GLT8D2: variants seen among roughly 807,000 people sequenced by gnomAD.
The protein encoded by GLT8D2 is glycosyltransferase 8 domain containing 2.
Under a neutral mutation model 44.5 loss-of-function variants are expected in GLT8D2, and 45 were observed. The observed-to-expected ratio is 1.01, with a 90% CI of 0.80 to 1.30. The LOEUF (loss-of-function observed/expected upper bound fraction) is 1.30, where lower values mean the gene tolerates loss of function less well. GLT8D2 is among the 50% of genes most tolerant of loss of function. The pLI is 0.00. For synonymous variants in GLT8D2, 156 were observed against 157.2 expected (o/e 0.99, Z 0.06); for missense variants, 400 against 430.4 (o/e 0.93, Z 0.62).
At chr12:103,991,625 C>T (rs1251151390) in intron 10 of GLT8D2, among the ~76,000 whole-genome samples, 5 of 152,108 alleles carry the variant, frequency 3.3e-5, no homozygotes, top group African/African-American at 1.2e-4. Flanking sequence ...GGGATCTGCA[C>T]ATGGAAAGGT....
intron 4 of GLT8D2, among the ~76,000 whole-genome samples, chr12:104,008,280 G>A (rs1182505127): frequency 3.3e-5 from 5 of 152,182 alleles, no homozygotes; most frequent in Non-Finnish European, 7.3e-5. Flanking sequence ...GGTTCAGGGT[G>A]AGGTGGCCTC....
At chr12:104,014,387 A>G (rs750975542) in intron 4 of GLT8D2, 12 of 642,772 alleles carry the variant, frequency 1.9e-5, no homozygotes, top group Non-Finnish European at 3.4e-5. Context: ...AAAATGTAAT[A>G]AACAGTGCTT....
At chr12:104,014,092 T>G in intron 4 of GLT8D2, 1 of 503,008 alleles carries the variant, frequency 2.0e-6, no homozygotes, top group Non-Finnish European at 3.5e-6. Context: ...TAGCTGGGCA[T>G]GGAGCTCATG....
intron 3 of GLT8D2, among the ~76,000 whole-genome samples, chr12:104,018,645 G>T (rs571350569): frequency 3.9e-5 from 6 of 152,140 alleles, no homozygotes; most frequent in Non-Finnish European, 7.4e-5. Flanking sequence ...AGGCTGAGGC[G>T]GGTGGATCAC....
At chr12:104,016,810 A>AAGGAAG (rs1566199750) in intron 3 of GLT8D2, among the ~76,000 whole-genome samples, 2 of 136,652 alleles carry the variant, frequency 1.5e-5, no homozygotes, top group African/African-American at 5.8e-5. Flanking sequence ...AAGGAAGGAA[A>AAGGAAG]GAAAGAAAGA....
intron 1 of GLT8D2, among the ~76,000 whole-genome samples, chr12:104,023,144 A>G (rs1434916141): frequency 6.6e-6 from 1 of 152,128 alleles, no homozygotes; most frequent in Admixed American, 6.6e-5. Flanking sequence ...GCTATGCATC[A>G]GGGGGAGGGA....
At chr12:104,000,367 C>T (rs2062402) in intron 5 of GLT8D2, among the ~76,000 whole-genome samples, 1 of 152,102 alleles carries the variant, frequency 6.6e-6, no homozygotes, top group African/African-American at 2.4e-5. Context: ...CTTCAAATTT[C>T]TAGATACCAC....
intron 1 of GLT8D2, among the ~76,000 whole-genome samples, chr12:104,063,458 A>G (rs1169968316): frequency 1.3e-5 from 2 of 152,164 alleles, no homozygotes; most frequent in African/African-American, 4.8e-5. Context: ...AGGCAGGAGG[A>G]TCACTGGAGC....
At chr12:104,042,682 T>C (rs1267894662) in intron 1 of GLT8D2, among the ~76,000 whole-genome samples, 2 of 152,140 alleles carry the variant, frequency 1.3e-5, no homozygotes, top group Admixed American at 1.3e-4. Context: ...GGGTGTCCTA[T>C]CTTCTGGCTT....
chr12:104,016,888 TAAAG>T (rs1876941317), intron 3 of GLT8D2, among the ~76,000 whole-genome samples: 1 of 110,744 alleles, frequency 9.0e-6, no homozygotes, highest in African/African-American at 3.2e-5. Flanking sequence ...GAAAGAAAAA[TAAAG>T]AGAGAAAGAA....
intron 6 of GLT8D2, 94 bp from the exon 7 acceptor site, chr12:103,997,629 A>G (rs1873623327): frequency 2.4e-6 from 2 of 837,322 alleles, no homozygotes; most frequent in South Asian, 2.8e-5. Context: ...CCATGGCCTC[A>G]GCTCAGCTCC....
chr12:103,998,119 T>C (rs1487717336), intron 6 of GLT8D2, among the ~76,000 whole-genome samples: 3 of 152,172 alleles, frequency 2.0e-5, no homozygotes, highest in South Asian at 4.1e-4. Flanking sequence ...GGGAAGATCA[T>C]ATCACAGACA....
At chr12:104,062,374 G>A (rs1882734940) in intron 1 of GLT8D2, among the ~76,000 whole-genome samples, 1 of 150,822 alleles carries the variant, frequency 6.6e-6, no homozygotes, top group Admixed American at 6.6e-5. Flanking sequence ...CACCCGTCCT[G>A]AGAATTCCTT....
intron 1 of GLT8D2, among the ~76,000 whole-genome samples, chr12:104,047,639 T>C (rs1002161854): frequency 5.3e-5 from 8 of 152,272 alleles, no homozygotes; most frequent in African/African-American, 9.6e-5. Flanking sequence ...ACTAATCCCA[T>C]TGGTGATGGT....
chr12:104,056,028 C>T (rs1006137157), intron 1 of GLT8D2, among the ~76,000 whole-genome samples: 2 of 152,240 alleles, frequency 1.3e-5, no homozygotes, highest in Admixed American at 1.3e-4. Flanking sequence ...TGCTCCAGCA[C>T]CTGAGTCTCA....
chr12:104,024,867 G>C (rs772063955), intron 1 of GLT8D2, among the ~76,000 whole-genome samples: 29 of 151,992 alleles, frequency 1.9e-4, no homozygotes, highest in Non-Finnish European at 3.7e-4. Flanking sequence ...TGTCAGGAGT[G>C]TAAGACCAGC....
chr12:104,013,158 A>C (rs2629750), intron 4 of GLT8D2, among the ~76,000 whole-genome samples: 136,843 of 152,244 alleles, frequency 0.9, 61,589 homozygotes, highest in East Asian at 1. Flanking sequence ...ACCATCACCA[A>C]GATCCAATTT....
rs566548648 is a variant in GLT8D2, at chr12:104,055,971, G to A, written c.-422-5683C>T. Among the ~76,000 whole-genome samples the A allele has an allele frequency of 8.5e-5, 13 of 152,326 alleles. No individual in the cohort carries two copies. In the South Asian group the frequency reaches 2.5e-3, roughly 29 times the overall value. ...GCAGGTCATCTTCCTGTTGCCCTGA[G>A]CTTCGGTGCTCTTGCTTTCCCCTGC... On this transcript the variant is annotated intron_variant, in intron 1 of 10. Transcript: ENST00000548660.
At chr12:103,998,699 C>T (rs542320978) in intron 6 of GLT8D2, among the ~76,000 whole-genome samples, 6 of 152,242 alleles carry the variant, frequency 3.9e-5, no homozygotes, top group Non-Finnish European at 8.8e-5. Flanking sequence ...TGAGCAACCA[C>T]GCTTGGCCAC....
Sources: allele counts gnomAD v4.1 joint callset (sites outside exome capture counted in the v4.1 genomes callset), GRCh38; gene constraint gnomAD v4.1.1; transcripts MANE v1.5; gene names NCBI Gene and HGNC (gene_info 2026-07-23, HGNC 2026-07-21).